Variants in KMT2A observed in about 807,000 individuals in gnomAD.
KMT2A encodes the protein histone-lysine N-methyltransferase 2A.
A neutral mutation model predicts 345.3 loss-of-function variants in KMT2A; 16 were observed. That is an observed-to-expected ratio of 0.05 (90% CI 0.03 to 0.07). The LOEUF is 0.07. KMT2A is among the 10% of genes least tolerant of loss of function. KMT2A has a pLI of 1.00. For missense variants in KMT2A, 3,272 were observed against 4,841.6 expected (o/e 0.68, Z 9.62); for synonymous variants, 1,599 against 1,778.6 (o/e 0.90, Z 2.54).
chr11:118,523,242 C>CTTTA lies in KMT2A; in HGVS notation c.*1074_*1077dup, dbSNP rs1951010633. The CTTTA allele has an allele frequency of 8.7e-6, 2 of 228,798 alleles. No individual in the cohort carries two copies. The allele number at this position is 228,798 out of a possible 1,614,324, so 14.2% of individuals were successfully genotyped here. On this transcript the variant is annotated 3_prime_UTR_variant, in exon 36 of 36. Transcript: ENST00000534358. ...GGGTCCCATTCCTAAGACATGGTTA[C>CTTTA]TTTATTTTCCCCTTGTTAAGACATA... is the stretch of plus-strand genomic sequence containing the variant.
intron 1 of KMT2A, among the ~76,000 whole-genome samples, chr11:118,456,533 T>C (rs1021437872): frequency 1.3e-5 from 2 of 151,984 alleles, no homozygotes; most frequent in African/African-American, 4.8e-5. Context: ...AGAGATGGGG[T>C]TTCACTATGT....
chr11:118,443,497 G>T (rs988871044), intron 1 of KMT2A, among the ~76,000 whole-genome samples: 50 of 152,310 alleles, frequency 3.3e-4, no homozygotes, highest in African/African-American at 1.2e-3. Flanking sequence ...TTTGAAAGAA[G>T]AATTTTGTTA....
At position 118,473,511 on chromosome 11, in the gene KMT2A, T is replaced by C; in HGVS notation, c.2352T>C (p.Val784=). The change falls in exon 3 of 36, where the codon GTT becomes GTC. Residue 784 remains valine, a synonymous_variant. Coordinates refer to ENST00000534358, the MANE Select transcript of KMT2A (RefSeq NM_001197104.2). The surrounding 1 kb of genome is among the most constrained non-coding windows in gnomAD (Gnocchi z 5.2). The part of the protein sequence containing the change: ...SSVSSSLSIS[V]SPLATSALNP... ...TCTCTTCCTCGTTAAGCATTTCTGT[T>C]AGTCCTCTTGCCACTAGTGCCTTAA... The C allele has an allele frequency of 1.9e-6, 3 of 1,614,196 alleles. No individual in the cohort carries two copies. Among genetic ancestry groups the C allele is most frequent in the Non-Finnish European group, 2.5e-6 (3 of 1,180,032 alleles).
intron 6 of KMT2A, among the ~76,000 whole-genome samples, chr11:118,480,567 G>A (rs1298088317): frequency 6.6e-6 from 1 of 152,048 alleles, no homozygotes; most frequent in East Asian, 1.9e-4. Context: ...TTTAACTGCA[G>A]GAAACTGAGA....
intron 31 of KMT2A, among the ~76,000 whole-genome samples, chr11:118,513,524 A>G (rs1361455110): frequency 6.6e-6 from 1 of 152,122 alleles, no homozygotes; most frequent in East Asian, 1.9e-4. Flanking sequence ...ATGCATGGCT[A>G]TTATAACACC....
intron 31 of KMT2A, among the ~76,000 whole-genome samples, chr11:118,513,433 T>C (rs1315917576): frequency 6.6e-6 from 1 of 152,132 alleles, no homozygotes; most frequent in Non-Finnish European, 1.5e-5. Flanking sequence ...GTGATGTTCT[T>C]CCTTTAAGAG....
Position 118,489,835 on chromosome 11 carries a change from A to G in KMT2A, c.4523A>G (p.Glu1508Gly). The G allele has an allele frequency of 6.2e-7, 1 of 1,614,214 alleles. No individual in the cohort carries two copies. The highest frequency in any genetic ancestry group is 8.5e-7 in the Non-Finnish European group (1 of 1,180,042). ...CNKCRNSYHP[E>G]CLGPNYPTKP... ...AAGTGCCGAAACAGCTATCACCCTG[A>G]GTGCCTGGGACCAAACTACCCCACC... Residue 1508 changes from glutamate to glycine, a missense_variant, in exon 12 of 36, where the codon GAG (glutamate) becomes GGG (glycine). By Grantham distance (98) the Glu-to-Gly change is moderately conservative (BLOSUM62 -2). Coordinates refer to ENST00000534358, the MANE Select transcript of KMT2A (RefSeq NM_001197104.2).
chr11:118,520,097 C>G lies in KMT2A; in HGVS notation c.11429+33C>G, dbSNP rs782018357. On this transcript the variant is annotated intron_variant, in intron 33 of 35. Transcript: ENST00000534358. This position sits in a 1 kb window ranked among gnomAD's most constrained non-coding sequence, Gnocchi z 4.3. ...TTGAGTGGGGAGCAGTCATTAGAAA[C>G]TGCTTTCCCTCTCCTCCAGCTGGTC... 1 of 1,402,314 alleles carries G rather than the reference C, an allele frequency of 7.1e-7. No individual in the cohort carries two copies. The highest frequency in any genetic ancestry group is 1.2e-5 in the South Asian group (1 of 85,116). 86.9% of individuals were successfully genotyped at this position (1,402,314 alleles called of 1,614,324 possible).
intron 28 of KMT2A, 198 bp downstream of exon 28, chr11:118,507,807 A>G: frequency 4.0e-6 from 2 of 503,370 alleles, no homozygotes; most frequent in Non-Finnish European, 7.3e-6. Context: ...TAAAAATACA[A>G]AAAGAATTAG....
At position 118,523,980 on chromosome 11, in the gene KMT2A, C is replaced by T. The variant is rs1039317205; in HGVS notation, c.*1808C>T. On this transcript the variant is annotated 3_prime_UTR_variant, in exon 36 of 36. Coordinates refer to ENST00000534358, the MANE Select transcript of KMT2A (RefSeq NM_001197104.2). ...TCTTCTTTCCCGCCTCTCTCCTTTC[C>T]GGCGCAACTTCCAGAGTGGTGGGAG... 1.3e-4 allele frequency: 26 copies of T among 203,486 alleles called. No individual in the cohort carries two copies. The highest frequency in any genetic ancestry group is 6.0e-4 in the African/African-American group (26 of 43,622). 12.6% of individuals were successfully genotyped at this position (203,486 alleles called of 1,614,324 possible). A position where few individuals can be genotyped will look rare whatever the true frequency, so the allele number is the denominator to read the frequency against.
chr11:118,445,617 C>T (rs1555026960), intron 1 of KMT2A, among the ~76,000 whole-genome samples: 7 of 152,218 alleles, frequency 4.6e-5, no homozygotes, highest in Non-Finnish European at 4.4e-5. Flanking sequence ...TTGTAGGTTG[C>T]AATTTCTGGG....
At chr11:118,468,696 C>A in intron 1 of KMT2A, 79 bp from the exon 2 acceptor site, 1 of 1,069,804 alleles carries the variant, frequency 9.3e-7, no homozygotes, top group Non-Finnish European at 1.4e-6. Context: ...TCATTTGTGT[C>A]TCCTCTGGGC....
In KMT2A at chr11:118,480,198, A is replaced by G. The variant is rs761064369; in HGVS notation, c.3594A>G (p.Gln1198=). Residue 1198 remains glutamine, a synonymous_variant, in exon 6 of 36, where the codon CAA becomes CAG. Coordinates refer to ENST00000534358, the MANE Select transcript of KMT2A (RefSeq NM_001197104.2). ...GGATGAGAAAATGTCAGAATCTACA[A>G]TGGATGCCTTCCAAAGCCTACCTGC... ...CCKMRKCQNL[Q]WMPSKAYLQK... is the part of the protein sequence containing the mutation. 11 of 1,613,608 alleles carry G rather than the reference A, an allele frequency of 6.8e-6. No homozygotes were observed. Among genetic ancestry groups the G allele is most frequent in the South Asian group, 3.3e-5 (3 of 91,078 alleles).
At chr11:118,465,267 C>T (rs1418914193) in intron 1 of KMT2A, among the ~76,000 whole-genome samples, 4 of 152,018 alleles carry the variant, frequency 2.6e-5, no homozygotes, top group Non-Finnish European at 5.9e-5. Flanking sequence ...CTATGAAGGG[C>T]ACCCATTTTT....
chr11:118,521,080 T>C lies in KMT2A; in HGVS notation c.11513+195T>C. The C allele has an allele frequency of 1.5e-6, 1 of 658,808 alleles. No homozygotes were observed. The highest frequency in any genetic ancestry group is 2.7e-6 in the Non-Finnish European group (1 of 376,670). 40.8% of individuals were successfully genotyped at this position (658,808 alleles called of 1,614,324 possible). ...CTTTAACATAATAAGCATTAAAATATTACTGCTTCCAGCGGGTCACAGAAT... is the reference window on the plus strand; with the variant it reads ...CTTTAACATAATAAGCATTAAAATACTACTGCTTCCAGCGGGTCACAGAAT... On this transcript the variant is annotated intron_variant, in intron 34 of 35. Transcript: ENST00000534358. This position sits in a 1 kb window ranked among gnomAD's most constrained non-coding sequence, Gnocchi z 5.3.
In KMT2A at chr11:118,526,252, C is replaced by T. The variant is rs1401212913; in HGVS notation, c.*4080C>T. On this transcript the variant is annotated 3_prime_UTR_variant, in exon 36 of 36. Transcript: ENST00000534358. ...TTTTCTGCCCATGAATGTTGCCAGT[C>T]AGTACCTGTCCTCCTTGTTTCTCTA... is the stretch of plus-strand genomic sequence containing the variant. The T allele has an allele frequency of 2.3e-5, 5 of 220,028 alleles. No individual in the cohort carries two copies. The highest frequency in any genetic ancestry group is 1.1e-4 in the African/African-American group (5 of 44,606). The allele number at this position is 220,028 out of a possible 1,614,324, so 13.6% of individuals were successfully genotyped here. A position where few individuals can be genotyped will look rare whatever the true frequency, so the allele number is the denominator to read the frequency against.
rs1555044679 is a variant in KMT2A at position 118,498,326 on chromosome 11, C to T, written c.5803-44C>T. 1 of 1,562,752 alleles carries T rather than the reference C, an allele frequency of 6.4e-7. No homozygotes were observed. The highest frequency in any genetic ancestry group is 1.9e-5 in the Admixed American group (1 of 51,850). Reference sequence around the variant, plus strand: ...AGAGGAGACGGTAAACGTCTTAAAACATATGAAAGTCTGAATAGGACTCTG... The same window carrying T: ...AGAGGAGACGGTAAACGTCTTAAAATATATGAAAGTCTGAATAGGACTCTG... On this transcript the variant is annotated intron_variant, in intron 21 of 35. Transcript: ENST00000534358. The surrounding 1 kb of genome is among the most constrained non-coding windows in gnomAD (Gnocchi z 4.4).
At chr11:118,509,274 C>A (rs2134428297) in intron 29 of KMT2A, 74 bp downstream of exon 29, 2 of 1,189,052 alleles carry the variant, frequency 1.7e-6, no homozygotes, top group South Asian at 1.5e-5. Context: ...CCCACTTTAC[C>A]TACTTATTTT....
At chr11:118,455,469 A>G (rs1433592020) in intron 1 of KMT2A, among the ~76,000 whole-genome samples, 2 of 152,036 alleles carry the variant, frequency 1.3e-5, no homozygotes, top group African/African-American at 2.4e-5. Context: ...CCTTCTCTAC[A>G]TTTGAGAACC....
Sources: gnomAD v4.1 joint callset for allele counts (sites outside exome capture counted in the v4.1 genomes callset) on GRCh38, gnomAD v4.1.1 for gene constraint, Gnocchi (gnomAD v3.1) non-coding constraint, MANE v1.5 for transcripts, NCBI Gene and HGNC (gene_info 2026-07-23, HGNC 2026-07-21) for gene names.